PLPPR1: variants seen among roughly 807,000 people sequenced by gnomAD.
The protein encoded by PLPPR1 is phospholipid phosphatase-related protein type 1.
Under a neutral mutation model 33.1 loss-of-function variants are expected in PLPPR1, and 10 were observed. The ratio of observed to expected loss-of-function variants is 0.30; its 90% CI spans 0.19 to 0.51. PLPPR1 has a LOEUF of 0.51. PLPPR1 is among the 20% of genes least tolerant of loss of function. The pLI is 0.97. For synonymous variants in PLPPR1, 151 were observed against 151.0 expected, an observed-to-expected ratio of 1.00 and a Z score of 0.00; for missense variants, 304 against 408.1, an observed-to-expected ratio of 0.74 and a Z score of 2.20.
intron 2 of PLPPR1, among the ~76,000 whole-genome samples, chr9:101,204,525 T>C (rs2118754783): frequency 6.6e-6 from 1 of 152,272 alleles, no homozygotes; most frequent in South Asian, 2.1e-4. Flanking sequence ...GCCATATTGA[T>C]GAGCATTCTG....
intron 4 of PLPPR1, among the ~76,000 whole-genome samples, chr9:101,293,245 A>G (rs1007999389): frequency 0.068 from 9,999 of 146,040 alleles, 616 homozygotes; most frequent in African/African-American, 0.17. Context: ...TTCAACAAGA[A>G]GAGCTAACTA....
intron 7 of PLPPR1, among the ~76,000 whole-genome samples, chr9:101,320,203 G>A (rs1026456727): frequency 1.8e-4 from 28 of 152,176 alleles, no homozygotes; most frequent in African/African-American, 6.8e-4. Flanking sequence ...TTGTGATTAT[G>A]GATGCCGCCT....
chr9:101,148,972 C>A (rs971822972), intron 1 of PLPPR1, among the ~76,000 whole-genome samples: 1 of 152,168 alleles, frequency 6.6e-6, no homozygotes, highest in Non-Finnish European at 1.5e-5. Flanking sequence ...CTTCCCCATC[C>A]TTCTGGCTGA....
rs532344556 is a variant in PLPPR1, at chr9:101,030,236, A to C, written c.-46+1134A>C. 1.1e-3 allele frequency among the ~76,000 whole-genome samples: 162 copies of C among 152,020 alleles called. 1 individual carries two copies. Among genetic ancestry groups the C allele is most frequent in the African/African-American group, 3.9e-3 (161 of 41,472 alleles). On this transcript the variant is annotated intron_variant, in intron 1 of 7. Transcript: ENST00000374874. Reference sequence around the variant, plus strand: ...GCAGAGACTGGGTCAGCCTGTGAGGAGTCCAGGACTGGGACAAAGGGAGAT... The same window carrying C: ...GCAGAGACTGGGTCAGCCTGTGAGGCGTCCAGGACTGGGACAAAGGGAGAT...
At chr9:101,170,059 C>G (rs773989468) in intron 1 of PLPPR1, among the ~76,000 whole-genome samples, 3 of 151,874 alleles carry the variant, frequency 2.0e-5, no homozygotes, top group Admixed American at 6.6e-5. Flanking sequence ...AATGATGGAG[C>G]TGAGTAGCTG....
At chr9:101,051,628 A>AT (rs1303477643) in intron 1 of PLPPR1, among the ~76,000 whole-genome samples, 3 of 152,044 alleles carry the variant, frequency 2.0e-5, no homozygotes, top group Non-Finnish European at 4.4e-5. Flanking sequence ...AGAAATAATC[A>AT]TTTTCTACTT....
intron 1 of PLPPR1, among the ~76,000 whole-genome samples, chr9:101,130,596 T>C (rs1357288040): frequency 6.6e-6 from 1 of 152,226 alleles, no homozygotes; most frequent in East Asian, 1.9e-4. Context: ...CTTTCTCAGT[T>C]TGATTTTAAT....
At chr9:101,295,355 T>C (rs1828603193) in intron 4 of PLPPR1, among the ~76,000 whole-genome samples, 1 of 151,600 alleles carries the variant, frequency 6.6e-6, no homozygotes, top group African/African-American at 2.4e-5. Context: ...AGAATCAATA[T>C]CGTGAAAATG....
rs867201039 is a variant in PLPPR1, at chr9:101,246,080, A to G, written c.64-23800A>G. On this transcript the variant is annotated intron_variant, in intron 2 of 7. Coordinates refer to ENST00000374874, the MANE Select transcript of PLPPR1 (RefSeq NM_207299.2). ...AATATATATATATATATATATATAT[A>G]TATATATATATATATATATATATAT... Among the ~76,000 whole-genome samples the G allele has an allele frequency of 2.5e-3, 306 of 124,326 alleles. 9 individuals carry two copies. The highest frequency in any genetic ancestry group is 8.3e-3 in the African/African-American group (276 of 33,424). The allele number at this position is 124,326 out of a possible 152,430, so 81.6% of individuals were successfully genotyped here.
intron 2 of PLPPR1, among the ~76,000 whole-genome samples, chr9:101,223,308 T>C (rs2567315): frequency 0.7 from 104,950 of 150,794 alleles, 37,094 homozygotes; most frequent in East Asian, 0.99. Context: ...TGAACTCCAG[T>C]CTGGGTGACA....
chr9:101,160,903 A>G (rs438403), intron 1 of PLPPR1, among the ~76,000 whole-genome samples: 92,367 of 152,000 alleles, frequency 0.61, 29,490 homozygotes, highest in Non-Finnish European at 0.72. Context: ...CAAGTTGTCT[A>G]TAGCCGGATG....
At chr9:101,192,385 A>G (rs1169636773) in intron 2 of PLPPR1, among the ~76,000 whole-genome samples, 1 of 152,236 alleles carries the variant, frequency 6.6e-6, no homozygotes, top group Non-Finnish European at 1.5e-5. Flanking sequence ...ATGAGTGAGA[A>G]GAGAAAACAA....
chr9:101,108,987 C>G (rs1283347795), intron 1 of PLPPR1, among the ~76,000 whole-genome samples: 1 of 136,380 alleles, frequency 7.3e-6, no homozygotes, highest in African/African-American at 2.8e-5. Context: ...GAGATGGAGT[C>G]TCCCTCTGTC....
At chr9:101,233,639 GCT>G (rs1564009559) in intron 2 of PLPPR1, among the ~76,000 whole-genome samples, 1 of 151,910 alleles carries the variant, frequency 6.6e-6, no homozygotes, top group South Asian at 2.1e-4. Flanking sequence ...TCTTGCTATT[GCT>G]CTTTCTCTCA....
chr9:101,195,917 T>C (rs1368276262), intron 2 of PLPPR1, among the ~76,000 whole-genome samples: 4 of 152,224 alleles, frequency 2.6e-5, no homozygotes, highest in Non-Finnish European at 5.9e-5. Flanking sequence ...TCATGGAGCA[T>C]AAGCCCAGGC....
At chr9:101,291,140 C>A (rs987188978) in intron 4 of PLPPR1, among the ~76,000 whole-genome samples, 8 of 152,242 alleles carry the variant, frequency 5.3e-5, no homozygotes, top group African/African-American at 1.9e-4. Flanking sequence ...GATTATATCC[C>A]TCACATGGCT....
At chr9:101,213,747 G>A (rs891982413) in intron 2 of PLPPR1, among the ~76,000 whole-genome samples, 2 of 151,796 alleles carry the variant, frequency 1.3e-5, no homozygotes, top group Non-Finnish European at 2.9e-5. Flanking sequence ...CTGATGTTTG[G>A]TACTTAACAA....
In PLPPR1 at chr9:101,180,167, C is replaced by T. The variant is rs199740694; in HGVS notation, c.-45-5283C>T. ...ATACACACACACACACACACATACA[C>T]ACACACACAGACACACACATATATA... On this transcript the variant is annotated intron_variant, in intron 1 of 7. Coordinates refer to ENST00000374874, the MANE Select transcript of PLPPR1 (RefSeq NM_207299.2). 4.1e-4 allele frequency among the ~76,000 whole-genome samples: 58 copies of T among 142,384 alleles called. No homozygotes were observed. The East Asian group carries it at 0.01, about 25-fold the overall frequency. 93.4% of individuals were successfully genotyped at this position (142,384 alleles called of 152,430 possible).
chr9:101,295,802 C>G (rs1158669603), intron 4 of PLPPR1, among the ~76,000 whole-genome samples: 1 of 151,582 alleles, frequency 6.6e-6, no homozygotes, highest in Non-Finnish European at 1.5e-5. Flanking sequence ...AAAATTAATT[C>G]AAGATGGATT....
Sources: allele counts gnomAD v4.1 joint callset (sites outside exome capture counted in the v4.1 genomes callset), GRCh38; gene constraint gnomAD v4.1.1; transcripts MANE v1.5; gene names NCBI Gene and HGNC (gene_info 2026-07-23, HGNC 2026-07-21).